The following PNPLA6 variants were observed in gnomAD, a reference collection of about 807,000 sequenced individuals.
PNPLA6 encodes patatin-like phospholipase domain-containing protein 6.
Under a neutral mutation model 153.7 loss-of-function variants are expected in PNPLA6, and 105 were observed. That is an observed-to-expected ratio of 0.68 (90% CI 0.58 to 0.80). PNPLA6 has a LOEUF of 0.80. Among genes scored for constraint, PNPLA6 ranks in the 30% least tolerant of loss-of-function variants. PNPLA6 has a pLI of 0.00. For missense variants in PNPLA6, 1,423 were observed against 1,919.3 expected, an observed-to-expected ratio of 0.74 and a Z score of 4.83; for synonymous variants, 825 against 822.2, an observed-to-expected ratio of 1.00 and a Z score of -0.06.
intron 26 of PNPLA6, 41 bp from the exon 27 acceptor site, chr19:7,557,127 C>T (rs772396055): frequency 9.1e-6 from 13 of 1,430,500 alleles, no homozygotes; most frequent in African/African-American, 1.4e-5. Context: ...CGTGTCTGAG[C>T]GTGTCTGTGC....
chr19:7,545,063 G>T (rs1032261499), intron 13 of PNPLA6, among the ~76,000 whole-genome samples: 4 of 151,068 alleles, frequency 2.6e-5, no homozygotes, highest in Non-Finnish European at 5.9e-5. Context: ...GTCTTGCTCT[G>T]TCGCCCAGGC....
At chr19:7,538,085 A>G (rs1196468571) in intron 3 of PNPLA6, among the ~76,000 whole-genome samples, 4 of 152,176 alleles carry the variant, frequency 2.6e-5, no homozygotes, top group Non-Finnish European at 5.9e-5. Context: ...TGATATCTTC[A>G]TGATTGTCAG....
At chr19:7,554,333 C>A (rs1246823108) in intron 20 of PNPLA6, 61 bp downstream of exon 20, 2 of 1,496,766 alleles carry the variant, frequency 1.3e-6, no homozygotes, top group Admixed American at 3.3e-5. Context: ...CAAATTCTTT[C>A]AGACCTGAGT....
chr19:7,537,425 C>T (rs891722473), intron 3 of PNPLA6, among the ~76,000 whole-genome samples: 1 of 152,126 alleles, frequency 6.6e-6, no homozygotes, highest in African/African-American at 2.4e-5. Flanking sequence ...TATGAATTTT[C>T]TTGCACTAGA....
Position 7,556,832 on chromosome 19 carries a change from G to A in PNPLA6, c.3280+108G>A, listed in dbSNP as rs865938389. On this transcript the variant is annotated intron_variant, in intron 26 of 31. Coordinates refer to ENST00000600737, the MANE Select transcript of PNPLA6 (RefSeq NM_001166114.2). ...TGGGACGTTGTTAACACGAGTGACC[G>A]TCCACCCTGGCCCGATCACCGACCA... 4.6e-5 allele frequency: 39 copies of A among 850,578 alleles called. No individual in the cohort carries two copies. The Middle Eastern group carries it at 9.9e-4, about 22-fold the overall frequency. 52.7% of individuals were successfully genotyped at this position (850,578 alleles called of 1,614,324 possible). A position where few individuals can be genotyped will look rare whatever the true frequency, so the allele number is the denominator to read the frequency against.
intron 13 of PNPLA6, among the ~76,000 whole-genome samples, chr19:7,546,651 C>A (rs976720883): frequency 1.3e-5 from 2 of 151,990 alleles, no homozygotes; most frequent in African/African-American, 4.8e-5. Context: ...TGAGGTGATC[C>A]GCCTGCCTCA....
Position 7,541,562 on chromosome 19 carries a change from C to T in PNPLA6, c.1046C>T (p.Pro349Leu). 1 of 1,600,416 alleles carries T rather than the reference C, an allele frequency of 6.2e-7. No homozygotes were observed. Among genetic ancestry groups the T allele is most frequent in the South Asian group, 1.1e-5 (1 of 89,104 alleles). Residue 349 changes from proline to leucine, a missense_variant, in exon 9 of 32, where the codon CCA becomes CTA. Physicochemically the swap from Pro to Leu is moderately conservative, Grantham distance 98. Coordinates refer to ENST00000600737, the MANE Select transcript of PNPLA6 (RefSeq NM_001166114.2). The surrounding 1 kb of genome is among the most constrained non-coding windows in gnomAD (Gnocchi z 5.2). ...PLRLFPSPGL[P>L]TRTSPVRGSK... ...CGTCTGTTCCCCAGCCCCGGCCTCCCAACTCGCACCAGCCCTGTGCGGGGC... is the reference window on the plus strand; with the variant it reads ...CGTCTGTTCCCCAGCCCCGGCCTCCTAACTCGCACCAGCCCTGTGCGGGGC...
At chr19:7,560,447 A>T (rs546141424) in intron 28 of PNPLA6, 2 of 637,968 alleles carry the variant, frequency 3.1e-6, no homozygotes, top group South Asian at 1.7e-5. Context: ...ACATGGAGAG[A>T]TTGATTGGTA....
chr19:7,540,754 C>A lies in PNPLA6; in HGVS notation c.795+44C>A. On this transcript the variant is annotated intron_variant, in intron 6 of 31. Coordinates refer to ENST00000600737, the MANE Select transcript of PNPLA6 (RefSeq NM_001166114.2). This position sits in a 1 kb window ranked among gnomAD's most constrained non-coding sequence, Gnocchi z 6.8. ...AGGCAGGGGGGCTGGGGTGCAAGGT[C>A]CCACCCAAGGGACTAGGTTGAAGGA... The A allele has an allele frequency of 6.4e-7, 1 of 1,556,520 alleles. No homozygotes were observed. The highest frequency in any genetic ancestry group is 8.9e-7 in the Non-Finnish European group (1 of 1,127,458).
chr19:7,552,345 G>C (rs918941556), intron 18 of PNPLA6, among the ~76,000 whole-genome samples: 1 of 152,172 alleles, frequency 6.6e-6, no homozygotes, highest in Non-Finnish European at 1.5e-5. Flanking sequence ...GCCAGATTCT[G>C]GGCCAGCCCA....
At chr19:7,542,170 A>C in intron 10 of PNPLA6, 103 bp downstream of exon 10, 1 of 832,978 alleles carries the variant, frequency 1.2e-6, no homozygotes. Flanking sequence ...AAATGGGAAC[A>C]CTGCCAGTAC....
chr19:7,536,390 C>G (rs1311720864), intron 2 of PNPLA6, 59 bp from the exon 3 acceptor site: 1 of 1,426,896 alleles, frequency 7.0e-7, no homozygotes, highest in Non-Finnish European at 9.9e-7. Context: ...CTGGATCCGT[C>G]TGCCTCTTCT....
chr19:7,544,091 G>A (rs991719355), intron 13 of PNPLA6, among the ~76,000 whole-genome samples: 16 of 151,628 alleles, frequency 1.1e-4, no homozygotes, highest in Admixed American at 3.3e-4. Flanking sequence ...GGGATTACAG[G>A]CGTGAGCCAC....
chr19:7,553,768 G>A (rs532169887), intron 18 of PNPLA6, 107 bp from the exon 19 acceptor site: 2 of 1,460,774 alleles, frequency 1.4e-6, no homozygotes, highest in East Asian at 2.3e-5. Flanking sequence ...TGGGAGCACA[G>A]GAGCAAGAAT....
intron 13 of PNPLA6, 101 bp from the exon 14 acceptor site, chr19:7,549,806 C>A (rs2023564240): frequency 2.5e-6 from 3 of 1,200,008 alleles, no homozygotes; most frequent in African/African-American, 1.5e-5. Flanking sequence ...TTTTCTTAAC[C>A]CTTCCTTTCT....
upstream of PNPLA6, chr19:7,534,579 A>T (rs45524734): frequency 8.5e-3 from 1,310 of 153,996 alleles, 10 homozygotes; most frequent in Middle Eastern, 0.021. Flanking sequence ...AGTATCTTCC[A>T]AGGAGCCCGG....
At chr19:7,559,956 A>G (rs1311787510) in intron 28 of PNPLA6, among the ~76,000 whole-genome samples, 1 of 152,090 alleles carries the variant, frequency 6.6e-6, no homozygotes, top group Non-Finnish European at 1.5e-5. Context: ...CCTGGTCAAC[A>G]TGGTGAAACC....
chr19:7,546,508 C>G (rs1435332326), intron 13 of PNPLA6, among the ~76,000 whole-genome samples: 3 of 152,188 alleles, frequency 2.0e-5, no homozygotes, highest in African/African-American at 7.2e-5. Flanking sequence ...GTGGCGCATG[C>G]CTGTAGTCCC....
intron 10 of PNPLA6, 53 bp from the exon 11 acceptor site, chr19:7,542,508 A>T (rs891538199): frequency 5.7e-6 from 8 of 1,401,466 alleles, no homozygotes; most frequent in African/African-American, 4.2e-5. Flanking sequence ...CTCATTTTTT[A>T]AAAATCTTAC....
Sources: gnomAD v4.1 joint callset for allele counts (sites outside exome capture counted in the v4.1 genomes callset) on GRCh38, gnomAD v4.1.1 for gene constraint, Gnocchi (gnomAD v3.1) non-coding constraint, MANE v1.5 for transcripts, NCBI Gene and HGNC (gene_info 2026-07-23, HGNC 2026-07-21) for gene names.